The following AGK variants were observed in gnomAD, a reference collection of about 807,000 sequenced individuals.
AGK encodes acylglycerol kinase, mitochondrial.
A neutral mutation model predicts 66.4 loss-of-function variants in AGK; 52 were observed. That is an observed-to-expected ratio of 0.78 (90% CI 0.63 to 0.99). AGK has a LOEUF of 0.99. Among genes scored for constraint, AGK ranks in the 50% least tolerant of loss-of-function variants. The pLI is 0.00. For synonymous variants in AGK, 182 were observed against 181.1 expected (o/e 1.00, Z -0.04); for missense variants, 451 against 506.6 (o/e 0.89, Z 1.05).
At chr7:141,650,410 C>A in intron 14 of AGK, 1 of 678,254 alleles carries the variant, frequency 1.5e-6, no homozygotes, top group Non-Finnish European at 1.8e-6. Context: ...TAAGGTTAGG[C>A]GAAGCCACTA....
chr7:141,596,420 T>C, intron 3 of AGK, 142 bp from the exon 4 acceptor site: 1 of 649,008 alleles, frequency 1.5e-6, no homozygotes, highest in Non-Finnish European at 2.7e-6. Flanking sequence ...TTTTCGTTAA[T>C]ATGAGATCAT....
chr7:141,614,231 A>T, intron 7 of AGK, 53 bp downstream of exon 7: 1 of 1,307,560 alleles, frequency 7.6e-7, no homozygotes, highest in Non-Finnish European at 1.1e-6. Context: ...GTTCTTTTTT[A>T]TTGCTTTTCT....
chr7:141,623,481 A>G (rs1001940033), intron 9 of AGK, among the ~76,000 whole-genome samples: 2 of 152,194 alleles, frequency 1.3e-5, no homozygotes, highest in Non-Finnish European at 2.9e-5. Context: ...TAGAAGACCA[A>G]ATCAGCCACA....
intron 13 of AGK, 60 bp downstream of exon 13, chr7:141,641,968 A>T: frequency 7.5e-7 from 1 of 1,331,614 alleles, no homozygotes; most frequent in Non-Finnish European, 1.1e-6. Context: ...CAATAGCTAT[A>T]GTCCTCTCCC....
chr7:141,599,443 A>G (rs767748482), intron 4 of AGK: 7 of 152,112 alleles, frequency 4.6e-5, no homozygotes, highest in East Asian at 1.9e-4. Context: ...TCAATCTTTT[A>G]TATAGAAAAT....
At position 141,621,821 on chromosome 7, in the gene AGK, A is replaced by G. The variant is rs1237819483; in HGVS notation, c.588+20A>G. Reference sequence around the variant, plus strand: ...ATCAAGGTAAATCTTTTCATCACATATTGGAAAAATTGTGAAAGTAATACT... The same window carrying G: ...ATCAAGGTAAATCTTTTCATCACATGTTGGAAAAATTGTGAAAGTAATACT... On this transcript the variant is annotated intron_variant, in intron 9 of 15. Transcript: ENST00000649286. 3 of 1,568,676 alleles carry G rather than the reference A, an allele frequency of 1.9e-6. No individual in the cohort carries two copies. The highest frequency in any genetic ancestry group is 1.7e-4 in the Middle Eastern group (1 of 5,938).
chr7:141,600,109 A>G (rs945677028), intron 4 of AGK, among the ~76,000 whole-genome samples: 1 of 152,222 alleles, frequency 6.6e-6, no homozygotes, highest in Non-Finnish European at 1.5e-5. Flanking sequence ...TGTATAAAGT[A>G]TCCTTAAGGT....
chr7:141,621,852 A>C (rs772895512), intron 9 of AGK, 51 bp downstream of exon 9: 20 of 1,344,804 alleles, frequency 1.5e-5, no homozygotes, highest in Non-Finnish European at 2.1e-5. Flanking sequence ...ATACTCGCTT[A>C]CATGTTAAAG....
At chr7:141,565,010 G>C (rs1795439963) in intron 2 of AGK, among the ~76,000 whole-genome samples, 1 of 152,158 alleles carries the variant, frequency 6.6e-6, no homozygotes, top group Admixed American at 6.5e-5. Flanking sequence ...TAAGGTGTGA[G>C]CCACCGTGCC....
At chr7:141,588,611 G>A (rs561816547) in intron 2 of AGK, among the ~76,000 whole-genome samples, 15 of 150,300 alleles carry the variant, frequency 1.0e-4, no homozygotes, top group African/African-American at 2.9e-4. Context: ...GTGATACTTC[G>A]CCTCGGAAAA....
At position 141,623,079 on chromosome 7, in the gene AGK, A is replaced by G. The variant is rs1029742898; in HGVS notation, c.588+1278A>G. ...TTAAATGTGCTACTACAGTGAGCAT[A>G]TGAATGATAAGAAAGTGTGGCCTGG... is the stretch of plus-strand genomic sequence containing the variant. On this transcript the variant is annotated intron_variant, in intron 9 of 15. Transcript: ENST00000649286. Among the ~76,000 whole-genome samples, 5 of 152,312 alleles carry G rather than the reference A, an allele frequency of 3.3e-5. No homozygotes were observed. In the East Asian group the frequency reaches 5.8e-4, roughly 18 times the overall value.
chr7:141,649,386 A>C, intron 14 of AGK, 53 bp downstream of exon 14: 2 of 1,371,126 alleles, frequency 1.5e-6, no homozygotes, highest in Non-Finnish European at 2.1e-6. Flanking sequence ...CTCAGATTTT[A>C]CTATTCAGAG....
At chr7:141,559,122 T>C (rs912093582) in intron 2 of AGK, among the ~76,000 whole-genome samples, 1 of 152,182 alleles carries the variant, frequency 6.6e-6, no homozygotes, top group African/African-American at 2.4e-5. Flanking sequence ...TTAGTTTCGT[T>C]AAGGCCCATT....
chr7:141,559,945 T>A (rs1795302154), intron 2 of AGK, among the ~76,000 whole-genome samples: 2 of 152,054 alleles, frequency 1.3e-5, no homozygotes, highest in African/African-American at 4.8e-5. Flanking sequence ...CCTACAACTT[T>A]GCTGAATTTA....
At chr7:141,565,825 C>G (rs1795456025) in intron 2 of AGK, among the ~76,000 whole-genome samples, 2 of 152,160 alleles carry the variant, frequency 1.3e-5, no homozygotes, top group African/African-American at 4.8e-5. Context: ...TGCCTGGGTT[C>G]TTAATAACAG....
chr7:141,642,149 T>C (rs753773726), intron 13 of AGK, among the ~76,000 whole-genome samples: 1 of 152,206 alleles, frequency 6.6e-6, no homozygotes, highest in Non-Finnish European at 1.5e-5. Flanking sequence ...CATTGCTTAA[T>C]TGGCATTCAG....
chr7:141,562,778 C>T (rs1343287744), intron 2 of AGK, among the ~76,000 whole-genome samples: 1 of 152,162 alleles, frequency 6.6e-6, no homozygotes, highest in African/African-American at 2.4e-5. Flanking sequence ...CATAAGCTTC[C>T]CCGCTGAGAA....
intron 4 of AGK, 62 bp from the exon 5 acceptor site, chr7:141,601,143 C>G: frequency 7.9e-7 from 1 of 1,258,986 alleles, no homozygotes; most frequent in Non-Finnish European, 1.1e-6. Context: ...GATTGTAAGG[C>G]TTTTTGTTCT....
At chr7:141,576,867 G>A (rs1396016705) in intron 2 of AGK, among the ~76,000 whole-genome samples, 6 of 151,674 alleles carry the variant, frequency 4.0e-5, no homozygotes, top group Non-Finnish European at 8.8e-5. Flanking sequence ...GTGAAACCCC[G>A]TCTCTACTAA....
Sources: gnomAD v4.1 joint callset for allele counts (sites outside exome capture counted in the v4.1 genomes callset) on GRCh38, gnomAD v4.1.1 for gene constraint, MANE v1.5 for transcripts, NCBI Gene and HGNC (gene_info 2026-07-23, HGNC 2026-07-21) for gene names.